The following UCK2 variants were observed in gnomAD, a reference collection of about 807,000 sequenced individuals.
The protein encoded by UCK2 is uridine-cytidine kinase 2.
A neutral mutation model predicts 30.8 loss-of-function variants in UCK2; 6 were observed. That is an observed-to-expected ratio of 0.19 (90% confidence interval 0.11 to 0.38). UCK2 has a LOEUF of 0.38. Ranked by LOEUF, UCK2 falls within the 10% of genes least tolerant of loss-of-function variation. The probability of loss-of-function intolerance (pLI) is 1.00; values close to 1 mark genes in which losing one functional copy is unlikely to be tolerated. For missense variants in UCK2, 210 were observed against 339.8 expected (o/e 0.62, Z 3.00); for synonymous variants, 125 against 133.6 (o/e 0.94, Z 0.45).
chr1:165,842,404 A>G (rs1473346853), intron 1 of UCK2, among the ~76,000 whole-genome samples: 1 of 152,108 alleles, frequency 6.6e-6, no homozygotes, highest in African/African-American at 2.4e-5. Context: ...GATTATCCAG[A>G]ATGAGACCCC....
In UCK2 at chr1:165,877,519, G is replaced by T. The variant is rs145015969; in HGVS notation, c.100-12685G>T. Among the ~76,000 whole-genome samples, 332 of 152,224 alleles carry T rather than the reference G, an allele frequency of 2.2e-3. 3 individuals are homozygous for T. The highest frequency in any genetic ancestry group is 7.8e-3 in the African/African-American group (324 of 41,542). On this transcript the variant is annotated intron_variant, in intron 1 of 6. Transcript: ENST00000367879. ...AATTTTATACAAATATAACCATACT[G>T]TATGTAACCTTTTGGAATTGCCCTT... is the stretch of plus-strand genomic sequence containing the variant.
intron 3 of UCK2, 58 bp from the exon 4 acceptor site, chr1:165,896,132 C>A (rs1557848322): frequency 6.2e-7 from 1 of 1,606,530 alleles, no homozygotes; most frequent in East Asian, 2.2e-5. Context: ...GGCCCTTGTT[C>A]TCTGTCCCTT....
chr1:165,852,709 C>G (rs1024888635), intron 1 of UCK2, among the ~76,000 whole-genome samples: 1 of 152,206 alleles, frequency 6.6e-6, no homozygotes, highest in Non-Finnish European at 1.5e-5. Context: ...TAACCTGCCT[C>G]TTAGCATTTC....
intron 1 of UCK2, among the ~76,000 whole-genome samples, chr1:165,841,927 G>T (rs1231578837): frequency 1.3e-5 from 2 of 152,190 alleles, no homozygotes; most frequent in East Asian, 3.8e-4. Context: ...ATTGTTGAAA[G>T]TATGCTAAAT....
intron 1 of UCK2, among the ~76,000 whole-genome samples, chr1:165,842,392 A>G (rs1160691731): frequency 2.0e-5 from 3 of 152,048 alleles, no homozygotes; most frequent in Admixed American, 6.6e-5. Context: ...TTCTTCACCA[A>G]TGATTATCCA....
chr1:165,841,109 G>GTA (rs1427958973), intron 1 of UCK2, among the ~76,000 whole-genome samples: 87 of 46,530 alleles, frequency 1.9e-3, no homozygotes, highest in African/African-American at 3.6e-3. Context: ...GTGTGTGTGT[G>GTA]TGTATATATA....
intron 1 of UCK2, among the ~76,000 whole-genome samples, chr1:165,882,125 G>T (rs1189022828): frequency 6.6e-6 from 1 of 152,182 alleles, no homozygotes; most frequent in African/African-American, 2.4e-5. Context: ...GTGCCGAAAG[G>T]GGGAAGAAAC....
intron 4 of UCK2, among the ~76,000 whole-genome samples, chr1:165,898,712 G>A (rs1037823217): frequency 3.3e-5 from 5 of 152,204 alleles, no homozygotes; most frequent in Admixed American, 1.3e-4. Flanking sequence ...AGATCATCAC[G>A]GTGTGGTTTC....
chr1:165,906,102 A>G, intron 6 of UCK2, 133 bp downstream of exon 6: 1 of 833,920 alleles, frequency 1.2e-6, no homozygotes, highest in Non-Finnish European at 1.9e-6. Flanking sequence ...GTGAGCCAGC[A>G]GAACCTTTCC....
intron 1 of UCK2, among the ~76,000 whole-genome samples, chr1:165,829,246 C>T (rs1319430598): frequency 6.6e-6 from 1 of 152,182 alleles, no homozygotes; most frequent in African/African-American, 2.4e-5. Flanking sequence ...TGTGTGCTCC[C>T]TGGTTGAAGG....
intron 1 of UCK2, among the ~76,000 whole-genome samples, chr1:165,838,498 T>A (rs947402995): frequency 6.6e-6 from 1 of 152,196 alleles, no homozygotes; most frequent in Non-Finnish European, 1.5e-5. Context: ...CTATTTAAAA[T>A]TGTAAACATT....
At chr1:165,877,053 T>G (rs977210724) in intron 1 of UCK2, among the ~76,000 whole-genome samples, 2 of 152,156 alleles carry the variant, frequency 1.3e-5, no homozygotes, top group African/African-American at 4.8e-5. Context: ...TAGAATATGA[T>G]CGTAGATTTT....
chr1:165,905,377 A>C (rs956065075), intron 5 of UCK2, among the ~76,000 whole-genome samples: 62 of 152,034 alleles, frequency 4.1e-4, no homozygotes, highest in African/African-American at 1.4e-3. Context: ...CCAGCTACTC[A>C]GGAGGCTGAG....
intron 1 of UCK2, among the ~76,000 whole-genome samples, chr1:165,844,447 G>T (rs1306711947): frequency 6.6e-6 from 1 of 152,178 alleles, no homozygotes; most frequent in Non-Finnish European, 1.5e-5. Flanking sequence ...AGAACCTCTT[G>T]TTCTAATATG....
chr1:165,860,364 T>C (rs1164392167), intron 1 of UCK2, among the ~76,000 whole-genome samples: 1 of 152,160 alleles, frequency 6.6e-6, no homozygotes, highest in Non-Finnish European at 1.5e-5. Flanking sequence ...TTGACAAAAG[T>C]AGAGGGGACT....
In UCK2 at chr1:165,827,848, C is replaced by T. The variant is rs1418732586; in HGVS notation, c.15C>T (p.Ser5=). 1 of 1,463,036 alleles carries T rather than the reference C, an allele frequency of 6.8e-7. No individual in the cohort carries two copies. Among genetic ancestry groups the T allele is most frequent in the Non-Finnish European group, 9.1e-7 (1 of 1,099,684 alleles). The allele number at this position is 1,463,036 out of a possible 1,614,324, so 90.6% of individuals were successfully genotyped here. A position where few individuals can be genotyped will look rare whatever the true frequency, so the allele number is the denominator to read the frequency against. Residue 5 remains serine, a synonymous_variant, in exon 1 of 7, where the codon AGC becomes AGT. Coordinates refer to ENST00000367879, the MANE Select transcript of UCK2 (RefSeq NM_012474.5). ...CGGCGCGAACCATGGCCGGGGACAG[C>T]GAGCAGACCCTGCAGAACCACCAGC... is the stretch of plus-strand genomic sequence containing the variant. MAGD[S]EQTLQNHQQP...
intron 3 of UCK2, chr1:165,894,250 C>G (rs1183995174): frequency 6.6e-6 from 1 of 152,234 alleles, no homozygotes; most frequent in Non-Finnish European, 1.5e-5. Flanking sequence ...ATTGTGTTCT[C>G]TGTTAGTGTG....
In UCK2 at chr1:165,856,329, G is replaced by A. The variant is rs375604094; in HGVS notation, c.99+28397G>A. Among the ~76,000 whole-genome samples, 8 of 151,842 alleles carry A rather than the reference G, an allele frequency of 5.3e-5. No homozygotes were observed. In the East Asian group the frequency reaches 9.7e-4, roughly 18 times the overall value. ...TAGCCAAATTATGGTACTAAGTACCGTCTGATACATTAATTTATTCAGCAA... is the reference window on the plus strand; with the variant it reads ...TAGCCAAATTATGGTACTAAGTACCATCTGATACATTAATTTATTCAGCAA... On this transcript the variant is annotated intron_variant, in intron 1 of 6. Transcript: ENST00000367879.
At position 165,827,683 on chromosome 1, in the gene UCK2, G is replaced by A. The variant is rs1003469963; in HGVS notation, c.-151G>A. ...CTTCGGGAAACCCAGCCCCGTCACC[G>A]GGCTCCGAGCGGCTCGCAGGCGAGC... On this transcript the variant is annotated 5_prime_UTR_variant, in exon 1 of 7. Transcript: ENST00000367879. The A allele has an allele frequency of 6.7e-6, 4 of 593,576 alleles. No individual in the cohort carries two copies. The highest frequency in any genetic ancestry group is 3.9e-5 in the African/African-American group (2 of 51,516). 36.8% of individuals were successfully genotyped at this position (593,576 alleles called of 1,614,324 possible). A position where few individuals can be genotyped will look rare whatever the true frequency, so the allele number is the denominator to read the frequency against.
Sources: allele counts gnomAD v4.1 joint callset (sites outside exome capture counted in the v4.1 genomes callset), GRCh38; gene constraint gnomAD v4.1.1; transcripts MANE v1.5; gene names NCBI Gene and HGNC (gene_info 2026-07-23, HGNC 2026-07-21).